Variants in NXPH1 observed in about 807,000 individuals in gnomAD.
The protein encoded by NXPH1 is neurexophilin-1.
A neutral mutation model predicts 23.7 loss-of-function variants in NXPH1; 5 were observed. The ratio of observed to expected loss-of-function variants is 0.21; its 90% CI spans 0.11 to 0.44. The LOEUF (loss-of-function observed/expected upper bound fraction) is 0.44. Ranked by LOEUF, NXPH1 falls within the 20% of genes least tolerant of loss-of-function variation. NXPH1 has a pLI of 0.99. For missense variants in NXPH1, 324 were observed against 321.6 expected (o/e 1.01, Z -0.06); for synonymous variants, 144 against 122.2 (o/e 1.18, Z -1.18).
At chr7:8,523,345 T>TC (rs1817805248) in intron 2 of NXPH1, among the ~76,000 whole-genome samples, 3 of 152,226 alleles carry the variant, frequency 2.0e-5, no homozygotes, top group South Asian at 2.1e-4. Context: ...GAAGCTGGGG[T>TC]CCCCCCAACC....
intron 2 of NXPH1, among the ~76,000 whole-genome samples, chr7:8,647,642 A>G (rs566920368): frequency 1.3e-5 from 2 of 152,006 alleles, no homozygotes; most frequent in South Asian, 4.2e-4. Context: ...TTTAATCGCT[A>G]GTTATGTTTA....
chr7:8,527,805 A>G (rs148664409), intron 2 of NXPH1, among the ~76,000 whole-genome samples: 4 of 152,362 alleles, frequency 2.6e-5, no homozygotes, highest in African/African-American at 4.8e-5. Flanking sequence ...TTGTAATTCA[A>G]CATGGCAAAA....
chr7:8,688,509 C>A (rs961134576), intron 2 of NXPH1, among the ~76,000 whole-genome samples: 1 of 152,168 alleles, frequency 6.6e-6, no homozygotes, highest in East Asian at 1.9e-4. Context: ...TAGATTGTGT[C>A]TGCCAACAGA....
chr7:8,558,933 T>A (rs191719268), intron 2 of NXPH1, among the ~76,000 whole-genome samples: 1 of 151,804 alleles, frequency 6.6e-6, no homozygotes, highest in East Asian at 2.0e-4. Context: ...TTAAAAACAA[T>A]AGAATATTGA....
chr7:8,612,613 C>T (rs1226655970), intron 2 of NXPH1, among the ~76,000 whole-genome samples: 2 of 152,018 alleles, frequency 1.3e-5, no homozygotes, highest in African/African-American at 4.8e-5. Flanking sequence ...GCTTCTACTC[C>T]TGTTACAGTC....
At chr7:8,583,581 A>C (rs1818924393) in intron 2 of NXPH1, among the ~76,000 whole-genome samples, 1 of 152,148 alleles carries the variant, frequency 6.6e-6, no homozygotes, top group Non-Finnish European at 1.5e-5. Context: ...CAGGGGGTTT[A>C]AGAAATGTGT....
chr7:8,454,874 G>A (rs925084274), intron 2 of NXPH1, among the ~76,000 whole-genome samples: 1 of 152,076 alleles, frequency 6.6e-6, no homozygotes, highest in Admixed American at 6.5e-5. Flanking sequence ...TCTTTCCTAG[G>A]AGCCACTGCA....
At chr7:8,448,435 A>G (rs1445000252) in intron 2 of NXPH1, among the ~76,000 whole-genome samples, 1 of 152,172 alleles carries the variant, frequency 6.6e-6, no homozygotes, top group Non-Finnish European at 1.5e-5. Flanking sequence ...TCTTTCAGCT[A>G]GTTGATAGCT....
At chr7:8,481,294 A>G (rs2128609834) in intron 2 of NXPH1, among the ~76,000 whole-genome samples, 1 of 152,320 alleles carries the variant, frequency 6.6e-6, no homozygotes, top group Non-Finnish European at 1.5e-5. Flanking sequence ...ACATGAGGCC[A>G]TAGTGCATAT....
intron 2 of NXPH1, among the ~76,000 whole-genome samples, chr7:8,448,231 C>G (rs879325288): frequency 6.6e-6 from 1 of 152,200 alleles, no homozygotes; most frequent in African/African-American, 2.4e-5. Flanking sequence ...TGAGAATTCA[C>G]AGAGTTAATG....
chr7:8,628,837 C>A lies in NXPH1; in HGVS notation c.55-122171C>A, dbSNP rs143718125. On this transcript the variant is annotated intron_variant, in intron 2 of 2. Transcript: ENST00000405863. ...TTGAACAGACGGTGGTGCAGTTGTT[C>A]TCGTCCGAGGTTATTTTATGAAAGC... is the stretch of plus-strand genomic sequence containing the variant. Among the ~76,000 whole-genome samples, 1,195 of 151,686 alleles carry A rather than the reference C, an allele frequency of 7.9e-3. 13 individuals are homozygous for A. Among genetic ancestry groups the A allele is most frequent in the Middle Eastern group, 0.044 (13 of 294 alleles).
chr7:8,740,983 C>T (rs1321821558), intron 2 of NXPH1, among the ~76,000 whole-genome samples: 1 of 152,114 alleles, frequency 6.6e-6, no homozygotes, highest in Non-Finnish European at 1.5e-5. Flanking sequence ...CCATGTTGTA[C>T]ATTAGAACTC....
chr7:8,707,282 C>A (rs73678834), intron 2 of NXPH1, among the ~76,000 whole-genome samples: 1 of 152,038 alleles, frequency 6.6e-6, no homozygotes, highest in Non-Finnish European at 1.5e-5. Flanking sequence ...TTCTACCTGG[C>A]CAAAATAATA....
At chr7:8,719,983 A>G (rs1398296227) in intron 2 of NXPH1, among the ~76,000 whole-genome samples, 1 of 152,198 alleles carries the variant, frequency 6.6e-6, no homozygotes, top group African/African-American at 2.4e-5. Flanking sequence ...CTTCATAATC[A>G]ATTGTCATTT....
chr7:8,462,534 A>T (rs965667451), intron 2 of NXPH1, among the ~76,000 whole-genome samples: 1 of 152,206 alleles, frequency 6.6e-6, no homozygotes, highest in Non-Finnish European at 1.5e-5. Flanking sequence ...TCACTCAGCT[A>T]ATGATGACAG....
chr7:8,731,794 G>C (rs537600798), intron 2 of NXPH1, among the ~76,000 whole-genome samples: 1 of 152,348 alleles, frequency 6.6e-6, no homozygotes, highest in South Asian at 2.1e-4. Context: ...CTGTCTTTTT[G>C]TTTGTCTGTG....
chr7:8,734,661 A>G (rs2115220843), intron 2 of NXPH1, among the ~76,000 whole-genome samples: 1 of 152,246 alleles, frequency 6.6e-6, no homozygotes, highest in Middle Eastern at 3.4e-3. Context: ...AGAAGAATGT[A>G]TATTCTGTTG....
rs886490665 is a variant in NXPH1 at position 8,742,665 on chromosome 7, A to G, written c.55-8343A>G. ...AAATACTTAGGAACAATATATACCA[A>G]AATTTGAACAGGTTTTATCTTTGGT... On this transcript the variant is annotated intron_variant, in intron 2 of 2. Coordinates refer to ENST00000405863, the MANE Select transcript of NXPH1 (RefSeq NM_152745.3). Among the ~76,000 whole-genome samples, 29 of 152,154 alleles carry G rather than the reference A, an allele frequency of 1.9e-4. 1 individual carries two copies. Among genetic ancestry groups the G allele is most frequent in the South Asian group, 4.1e-4 (2 of 4,832 alleles).
At chr7:8,484,088 C>A (rs1817119329) in intron 2 of NXPH1, among the ~76,000 whole-genome samples, 1 of 151,346 alleles carries the variant, frequency 6.6e-6, no homozygotes, top group South Asian at 2.1e-4. Context: ...ATGCAACAAA[C>A]CAACAAACAA....
Sources: gnomAD v4.1 joint callset for allele counts (sites outside exome capture counted in the v4.1 genomes callset) on GRCh38, gnomAD v4.1.1 for gene constraint, MANE v1.5 for transcripts, NCBI Gene and HGNC (gene_info 2026-07-23, HGNC 2026-07-21) for gene names.